The following SLC9C1 variants were observed in gnomAD, a reference collection of about 807,000 sequenced individuals.
The protein encoded by SLC9C1 is sodium/hydrogen exchanger 10.
SLC9C1 carries 97 observed loss-of-function variants against 140.9 expected under a neutral mutation model. The ratio of observed to expected loss-of-function variants is 0.69; its 90% CI spans 0.58 to 0.82. The LOEUF (loss-of-function observed/expected upper bound fraction) is 0.82. SLC9C1 is among the 40% of genes least tolerant of loss of function. The probability of loss-of-function intolerance (pLI) is 0.00; values close to 1 mark genes in which losing one functional copy is unlikely to be tolerated. For synonymous variants in SLC9C1, 440 were observed against 442.6 expected (o/e 0.99, Z 0.07); for missense variants, 1,340 against 1,389.3 (o/e 0.96, Z 0.56).
intron 15 of SLC9C1, among the ~76,000 whole-genome samples, chr3:112,217,006 C>G (rs916207721): frequency 1.3e-5 from 2 of 152,086 alleles, no homozygotes; most frequent in African/African-American, 4.8e-5. Flanking sequence ...ACATATACAC[C>G]GTGGAATACT....
At chr3:112,254,897 C>G (rs2079561612) in intron 10 of SLC9C1, among the ~76,000 whole-genome samples, 1 of 151,420 alleles carries the variant, frequency 6.6e-6, no homozygotes, top group South Asian at 2.1e-4. Context: ...ATTTTCCAAG[C>G]AAATGGAAAA....
rs2077158280 is a variant in SLC9C1, at chr3:112,167,319, A to G, written c.3266T>C (p.Val1089Ala). ...QIQSIEDFTK[V>A]VIIQTPINMK... Reference sequence around the variant, plus strand: ...GTTAATCGGAGTTTGAATAATCACTACTTTTGTGAAATCTTCAATACTTTG... The same window carrying G: ...GTTAATCGGAGTTTGAATAATCACTGCTTTTGTGAAATCTTCAATACTTTG... The change falls in exon 26 of 29, where the codon GTA becomes GCA. Residue 1089 changes from valine to alanine, a missense_variant. Val to Ala is a moderately conservative substitution (Grantham distance 64). Transcript: ENST00000305815. 6.2e-7 allele frequency: 1 copy of G among 1,603,294 alleles called. No homozygotes were observed. The highest frequency in any genetic ancestry group is 1.1e-5 in the South Asian group (1 of 89,198).
At chr3:112,239,420 C>T (rs1016209653) in intron 12 of SLC9C1, among the ~76,000 whole-genome samples, 56 of 152,342 alleles carry the variant, frequency 3.7e-4, no homozygotes, top group South Asian at 6.2e-4. Flanking sequence ...GGCGATGCCT[C>T]GCCCTGGTTC....
At chr3:112,285,873 C>G (rs2080493597) in intron 2 of SLC9C1, among the ~76,000 whole-genome samples, 1 of 152,102 alleles carries the variant, frequency 6.6e-6, no homozygotes, top group Non-Finnish European at 1.5e-5. Context: ...TCAAGCAGTC[C>G]TCCTACCTCA....
intron 10 of SLC9C1, among the ~76,000 whole-genome samples, chr3:112,257,241 G>T (rs999793642): frequency 2.6e-5 from 4 of 152,014 alleles, no homozygotes; most frequent in African/African-American, 7.2e-5. Context: ...AAATAGCCAG[G>T]GTAATACTAA....
chr3:112,181,470 A>G (rs2077437815), intron 21 of SLC9C1, among the ~76,000 whole-genome samples: 1 of 152,248 alleles, frequency 6.6e-6, no homozygotes, highest in Non-Finnish European at 1.5e-5. Context: ...AGAACAAGTT[A>G]GATCCATTTA....
At chr3:112,158,080 T>C (rs931806803) in intron 26 of SLC9C1, among the ~76,000 whole-genome samples, 1 of 152,060 alleles carries the variant, frequency 6.6e-6, no homozygotes, top group African/African-American at 2.4e-5. Context: ...GTGGACATCC[T>C]TGTTTTGCTC....
At chr3:112,235,548 G>A (rs28789118) in intron 12 of SLC9C1, among the ~76,000 whole-genome samples, 42,965 of 148,544 alleles carry the variant, frequency 0.29, 6,431 homozygotes, top group East Asian at 0.35. Flanking sequence ...TCTCTGTCTT[G>A]TGCCAGTTTT....
At chr3:112,280,932 C>G in intron 2 of SLC9C1, 149 bp from the exon 3 acceptor site, 1 of 695,430 alleles carries the variant, frequency 1.4e-6, no homozygotes. Context: ...TATCAGCACA[C>G]AGAATCAGTG....
At chr3:112,221,983 A>G (rs537134709) in intron 13 of SLC9C1, among the ~76,000 whole-genome samples, 25 of 152,292 alleles carry the variant, frequency 1.6e-4, no homozygotes, top group African/African-American at 5.8e-4. Context: ...ATCAGTTTTG[A>G]ATATTAAACA....
At chr3:112,178,170 G>A (rs1224313679) in intron 23 of SLC9C1, among the ~76,000 whole-genome samples, 4 of 150,400 alleles carry the variant, frequency 2.7e-5, no homozygotes, top group Non-Finnish European at 4.4e-5. Flanking sequence ...GACAGAGTCT[G>A]GCTCTGTTAC....
rs561678768 is a variant in SLC9C1, at chr3:112,169,471, T to C, written c.2920-143A>G. On this transcript the variant is annotated intron_variant, in intron 23 of 28. Transcript: ENST00000305815. ...AATAGCATGGAAACTTAGTAAAATG[T>C]GTCTATCAATGAAAATTGGTGTGTC... 105 of 773,572 alleles carry C rather than the reference T, an allele frequency of 1.4e-4. No homozygotes were observed. The African/African-American group carries it at 1.5e-3, about 11-fold the overall frequency. 47.9% of individuals were successfully genotyped at this position (773,572 alleles called of 1,614,324 possible).
At chr3:112,190,073 A>G (rs2077621989) in intron 20 of SLC9C1, among the ~76,000 whole-genome samples, 1 of 152,094 alleles carries the variant, frequency 6.6e-6, no homozygotes, top group Admixed American at 6.6e-5. Flanking sequence ...TGATTTTTGC[A>G]CATTGGTTTT....
chr3:112,257,001 G>A (rs1418445432), intron 10 of SLC9C1, among the ~76,000 whole-genome samples: 6 of 151,992 alleles, frequency 3.9e-5, no homozygotes, highest in Non-Finnish European at 8.8e-5. Flanking sequence ...AACCAGTGGG[G>A]TAAAAAATCT....
rs1186636814 is a variant in SLC9C1, at chr3:112,192,824, T to C, written c.2523+6497A>G. 5.1e-4 allele frequency among the ~76,000 whole-genome samples: 77 copies of C among 152,208 alleles called. 1 individual carries two copies. The highest frequency in any genetic ancestry group is 5.0e-3 in the Admixed American group (77 of 15,278). On this transcript the variant is annotated intron_variant, in intron 20 of 28. Coordinates refer to ENST00000305815, the MANE Select transcript of SLC9C1 (RefSeq NM_183061.3). ...TTCTTAACATGATTATTTTAAAATT[T>C]TTTTCTGGTATTTTGTGTATCTGTT... is the stretch of plus-strand genomic sequence containing the variant.
In SLC9C1 at chr3:112,163,792, T is replaced by G. The variant is rs185305115; in HGVS notation, c.3364+3429A>C. 2.5e-3 allele frequency among the ~76,000 whole-genome samples: 382 copies of G among 152,306 alleles called. 2 individuals carry two copies. The highest frequency in any genetic ancestry group is 8.6e-3 in the African/African-American group (359 of 41,570). ...TTCTGTAGATGTCTATTAGGTCCTCTTGGTGCAGAGCTGAGTACAATTCCT... is the reference window on the plus strand; with the variant it reads ...TTCTGTAGATGTCTATTAGGTCCTCGTGGTGCAGAGCTGAGTACAATTCCT... On this transcript the variant is annotated intron_variant, in intron 26 of 28. Transcript: ENST00000305815.
Position 112,174,098 on chromosome 3 carries a change from C to T in SLC9C1, c.2920-4770G>A, listed in dbSNP as rs574379779. Among the ~76,000 whole-genome samples the T allele has an allele frequency of 5.3e-4, 80 of 152,112 alleles. 1 individual carries two copies. Among genetic ancestry groups the T allele is most frequent in the Non-Finnish European group, 1.0e-3 (70 of 68,020 alleles). ...GTTTACATCTTCTTTAGAAAATTGT[C>T]GGTTCATATGGTTTGCCCACTTTTT... On this transcript the variant is annotated intron_variant, in intron 23 of 28. Coordinates refer to ENST00000305815, the MANE Select transcript of SLC9C1 (RefSeq NM_183061.3).
At chr3:112,211,616 A>G (rs899741458) in intron 15 of SLC9C1, among the ~76,000 whole-genome samples, 3 of 152,220 alleles carry the variant, frequency 2.0e-5, no homozygotes, top group African/African-American at 7.2e-5. Flanking sequence ...TTGCTAGCAC[A>G]GCAGTCTGAG....
rs1298630054 is a variant in SLC9C1 at position 112,204,673 on chromosome 3, C to T, written c.1987-270G>A. Among the ~76,000 whole-genome samples the T allele has an allele frequency of 4.6e-5, 7 of 152,022 alleles. No homozygotes were observed. In the South Asian group the frequency reaches 8.3e-4, roughly 18 times the overall value. ...ATATAATGACACCAGTAAAAAGTAGCGACAATGAAAAGGCAAATTCAGACA... is the reference window on the plus strand; with the variant it reads ...ATATAATGACACCAGTAAAAAGTAGTGACAATGAAAAGGCAAATTCAGACA... On this transcript the variant is annotated intron_variant, in intron 16 of 28. Coordinates refer to ENST00000305815, the MANE Select transcript of SLC9C1 (RefSeq NM_183061.3).
Sources: gnomAD v4.1 joint callset for allele counts (sites outside exome capture counted in the v4.1 genomes callset) on GRCh38, gnomAD v4.1.1 for gene constraint, MANE v1.5 for transcripts, NCBI Gene and HGNC (gene_info 2026-07-23, HGNC 2026-07-21) for gene names.